GABRR2: variants seen among roughly 807,000 people sequenced by gnomAD.
The protein encoded by GABRR2 is gamma-aminobutyric acid receptor subunit rho-2.
Under a neutral mutation model 47.0 loss-of-function variants are expected in GABRR2, and 36 were observed. The ratio of observed to expected loss-of-function variants is 0.77; its 90% CI spans 0.59 to 1.01. The LOEUF (loss-of-function observed/expected upper bound fraction) is 1.01. Ranked by LOEUF, GABRR2 falls within the 50% of genes least tolerant of loss-of-function variation. The pLI is 0.00. For synonymous variants in GABRR2, 204 were observed against 227.5 expected, an observed-to-expected ratio of 0.90 and a Z score of 0.93; for missense variants, 587 against 594.6, an observed-to-expected ratio of 0.99 and a Z score of 0.13.
intron 7 of GABRR2, among the ~76,000 whole-genome samples, chr6:89,265,005 C>A (rs939153614): frequency 1.3e-5 from 2 of 152,138 alleles, no homozygotes; most frequent in African/African-American, 4.8e-5. Context: ...GTGCTTTAGT[C>A]GCTGTGGAAG....
At chr6:89,304,421 C>A (rs567053396) in intron 1 of GABRR2, among the ~76,000 whole-genome samples, 1 of 151,746 alleles carries the variant, frequency 6.6e-6, no homozygotes, top group African/African-American at 2.4e-5. Flanking sequence ...GATGAAACCC[C>A]GTCTCTACTA....
At chr6:89,269,286 C>T in intron 3 of GABRR2, 52 bp from the exon 4 acceptor site, 2 of 1,377,676 alleles carry the variant, frequency 1.5e-6, no homozygotes, top group Non-Finnish European at 2.1e-6. Context: ...GGTTTTCTTC[C>T]TTACAATCAA....
chr6:89,299,698 G>T, intron 2 of GABRR2, 61 bp downstream of exon 2: 1 of 1,100,944 alleles, frequency 9.1e-7, no homozygotes, highest in South Asian at 1.2e-5. Flanking sequence ...AGCCAGAGAG[G>T]GCAGCACATC....
rs753446453 is a variant in GABRR2, at chr6:89,264,485, G to A, written c.1013C>T (p.Ser338Leu). Residue 338 changes from serine (S) to leucine (L), a missense_variant, in exon 8 of 9, where the codon TCG becomes TTG. Ser to Leu is a moderately radical substitution (Grantham distance 145, BLOSUM62 -2). Transcript: ENST00000402938. Reference protein sequence around the residue: ...LWVSFVFVFLSVLEYAAVNYL... With the variant: ...LWVSFVFVFLLVLEYAAVNYL... ...GTTGACAGCCGCATACTCCAGCACC[G>A]AGAGGAACACGAACACAAAGCTGAC... 4.3e-6 allele frequency: 7 copies of A among 1,613,920 alleles called. No individual in the cohort carries two copies. The highest frequency in any genetic ancestry group is 4.0e-5 in the African/African-American group (3 of 74,866).
At chr6:89,295,614 A>G (rs1774540077) in intron 2 of GABRR2, among the ~76,000 whole-genome samples, 1 of 152,152 alleles carries the variant, frequency 6.6e-6, no homozygotes, top group South Asian at 2.1e-4. Context: ...TTCGCTGTGC[A>G]GAAGCTCTTT....
intron 2 of GABRR2, among the ~76,000 whole-genome samples, chr6:89,278,058 A>G (rs1582448533): frequency 6.6e-6 from 1 of 152,346 alleles, no homozygotes; most frequent in Middle Eastern, 3.4e-3. Flanking sequence ...AATCTCCCAA[A>G]TGTCTGTCTC....
At chr6:89,289,631 C>G (rs1344464514) in intron 2 of GABRR2, among the ~76,000 whole-genome samples, 1 of 152,006 alleles carries the variant, frequency 6.6e-6, no homozygotes, top group Admixed American at 6.6e-5. Context: ...GAATAAGGGA[C>G]AGATCTGAAT....
At chr6:89,312,756 C>G (rs544863727) in intron 1 of GABRR2, among the ~76,000 whole-genome samples, 39 of 152,246 alleles carry the variant, frequency 2.6e-4, no homozygotes, top group Non-Finnish European at 4.8e-4. Flanking sequence ...TGTGTGCATT[C>G]TCATGGATGC....
intron 2 of GABRR2, among the ~76,000 whole-genome samples, chr6:89,280,558 G>T (rs1774242540): frequency 6.6e-6 from 1 of 152,110 alleles, no homozygotes; most frequent in Non-Finnish European, 1.5e-5. Context: ...ACTGCCCGCT[G>T]CCCCTAGACT....
chr6:89,268,868 G>T (rs897318776), intron 4 of GABRR2, 143 bp downstream of exon 4: 2 of 679,352 alleles, frequency 2.9e-6, no homozygotes, highest in Non-Finnish European at 5.1e-6. Context: ...GTCATGTTTA[G>T]ATAGTTCTGA....
rs1298235769 is a variant in GABRR2 at position 89,294,738 on chromosome 6, C to A, written c.220+5021G>T. ...CATGTGCCATGTTGGTGTGCTGCACCCATTAGCTCGTCATTTACATTAGGT... is the reference window on the plus strand; with the variant it reads ...CATGTGCCATGTTGGTGTGCTGCACACATTAGCTCGTCATTTACATTAGGT... On this transcript the variant is annotated intron_variant, in intron 2 of 8. Transcript: ENST00000402938. Among the ~76,000 whole-genome samples the A allele has an allele frequency of 5.3e-5, 8 of 150,752 alleles. No individual in the cohort carries two copies. In the East Asian group the frequency reaches 1.6e-3, roughly 29 times the overall value.
chr6:89,269,359 C>G, intron 3 of GABRR2, 125 bp from the exon 4 acceptor site: 1 of 736,576 alleles, frequency 1.4e-6, no homozygotes, highest in East Asian at 2.6e-5. Flanking sequence ...GGTAACAGTT[C>G]TGCAGCCCTG....
chr6:89,297,151 C>T lies in GABRR2; in HGVS notation c.220+2608G>A, dbSNP rs139548487. ...ACTTTTGCTTCATGGGCCTCTTCCTCTATAAAAAAATATCAAAAAGCATAT... is the reference window on the plus strand; with the variant it reads ...ACTTTTGCTTCATGGGCCTCTTCCTTTATAAAAAAATATCAAAAAGCATAT... On this transcript the variant is annotated intron_variant, in intron 2 of 8. Coordinates refer to ENST00000402938, the MANE Select transcript of GABRR2 (RefSeq NM_002043.5). Among the ~76,000 whole-genome samples, 875 of 152,256 alleles carry T rather than the reference C, an allele frequency of 5.7e-3. 7 individuals carry two copies. Among genetic ancestry groups the T allele is most frequent in the African/African-American group, 0.02 (825 of 41,538 alleles).
intron 3 of GABRR2, among the ~76,000 whole-genome samples, chr6:89,270,031 C>A (rs1050520107): frequency 6.6e-6 from 1 of 152,116 alleles, no homozygotes; most frequent in Non-Finnish European, 1.5e-5. Flanking sequence ...CCAGAGGGAG[C>A]CCCAGGAAGA....
chr6:89,307,501 G>A (rs1021288565), intron 1 of GABRR2, among the ~76,000 whole-genome samples: 11 of 152,176 alleles, frequency 7.2e-5, no homozygotes, highest in Non-Finnish European at 1.5e-4. Flanking sequence ...TCTCAGCACT[G>A]GAAATTTATT....
intron 1 of GABRR2, among the ~76,000 whole-genome samples, chr6:89,313,512 C>T: frequency 6.6e-6 from 1 of 152,172 alleles, no homozygotes; most frequent in East Asian, 1.9e-4. Flanking sequence ...AGGCTCCTTC[C>T]AGTTTAACAG....
intron 1 of GABRR2, among the ~76,000 whole-genome samples, chr6:89,307,025 G>A (rs1767580115): frequency 6.6e-6 from 1 of 152,142 alleles, no homozygotes; most frequent in Non-Finnish European, 1.5e-5. Flanking sequence ...ATTGCACTTA[G>A]CACAATGCCC....
chr6:89,268,655 A>AT (rs1562357355), intron 4 of GABRR2, among the ~76,000 whole-genome samples: 8 of 46,092 alleles, frequency 1.7e-4, no homozygotes, highest in South Asian at 9.9e-4. Context: ...TTTTTGGGGG[A>AT]CGGGGGGGGG....
intron 2 of GABRR2, among the ~76,000 whole-genome samples, chr6:89,281,699 C>T (rs1187905753): frequency 2.0e-5 from 3 of 152,146 alleles, no homozygotes; most frequent in Non-Finnish European, 4.4e-5. Context: ...TTTCCTCCCA[C>T]CGTAGATGAC....
Sources: allele counts gnomAD v4.1 joint callset (sites outside exome capture counted in the v4.1 genomes callset), GRCh38; gene constraint gnomAD v4.1.1; transcripts MANE v1.5; gene names NCBI Gene and HGNC (gene_info 2026-07-23, HGNC 2026-07-21).